Variants in PAK5 observed in about 807,000 individuals in gnomAD.
PAK5 encodes serine/threonine-protein kinase PAK 5.
PAK5 carries 16 observed loss-of-function variants against 65.9 expected under a neutral mutation model. The observed-to-expected ratio is 0.24, with a 90% CI of 0.16 to 0.37. The LOEUF (loss-of-function observed/expected upper bound fraction) is 0.37, where lower values mean the gene tolerates loss of function less well. Ranked by LOEUF, PAK5 falls within the 10% of genes least tolerant of loss-of-function variation. The pLI is 1.00. For synonymous variants in PAK5, 371 were observed against 354.9 expected (o/e 1.05, Z -0.51); for missense variants, 785 against 903.9 (o/e 0.87, Z 1.69).
chr20:9,694,716 C>G (rs370893115), intron 2 of PAK5, among the ~76,000 whole-genome samples: 1 of 151,934 alleles, frequency 6.6e-6, no homozygotes, highest in Non-Finnish European at 1.5e-5. Flanking sequence ...TAATTCATGT[C>G]GTGATAGGCC....
chr20:9,630,843 A>G (rs1162678832), intron 3 of PAK5, among the ~76,000 whole-genome samples: 2 of 151,514 alleles, frequency 1.3e-5, no homozygotes, highest in African/African-American at 4.9e-5. Context: ...TTTTCCTTCC[A>G]CTCACTTGCC....
At chr20:9,557,209 G>A (rs1279223496) in intron 7 of PAK5, among the ~76,000 whole-genome samples, 1 of 152,120 alleles carries the variant, frequency 6.6e-6, no homozygotes, top group African/African-American at 2.4e-5. Context: ...AATTACCCAA[G>A]TGGAGTTGAT....
intron 2 of PAK5, among the ~76,000 whole-genome samples, chr20:9,646,348 C>T (rs893736139): frequency 6.6e-6 from 1 of 152,172 alleles, no homozygotes; most frequent in Non-Finnish European, 1.5e-5. Context: ...CAAAACCCAT[C>T]GCATTCATTC....
intron 1 of PAK5, among the ~76,000 whole-genome samples, chr20:9,743,262 T>C (rs1275183707): frequency 6.6e-6 from 1 of 151,962 alleles, no homozygotes; most frequent in Non-Finnish European, 1.5e-5. Context: ...CCAAGCTACC[T>C]GGGAAGCTGA....
chr20:9,706,058 T>A (rs767098259), intron 2 of PAK5, among the ~76,000 whole-genome samples: 2 of 152,108 alleles, frequency 1.3e-5, no homozygotes, highest in Non-Finnish European at 2.9e-5. Context: ...AGTCTCAGAG[T>A]GGAGAAATCC....
chr20:9,586,870 T>A (rs183439445), intron 3 of PAK5, among the ~76,000 whole-genome samples: 1 of 152,306 alleles, frequency 6.6e-6, no homozygotes, highest in Non-Finnish European at 1.5e-5. Context: ...AGACTGCCAA[T>A]TGATAAGAAA....
At chr20:9,625,374 A>G (rs932012032) in intron 3 of PAK5, among the ~76,000 whole-genome samples, 1 of 152,208 alleles carries the variant, frequency 6.6e-6, no homozygotes, top group African/African-American at 2.4e-5. Context: ...GCTAACTTCA[A>G]ATATGAGCCA....
intron 9 of PAK5, among the ~76,000 whole-genome samples, chr20:9,539,960 A>C (rs2045233786): frequency 6.6e-6 from 1 of 152,226 alleles, no homozygotes; most frequent in Admixed American, 6.5e-5. Context: ...AGCATAGTAT[A>C]AACAGGGAGC....
chr20:9,821,990 T>A (rs1457900308), intron 1 of PAK5, among the ~76,000 whole-genome samples: 1 of 152,170 alleles, frequency 6.6e-6, no homozygotes, highest in Non-Finnish European at 1.5e-5. Context: ...GGTCCACCAG[T>A]ACCCTACAAG....
At chr20:9,569,068 C>T (rs1007265499) in intron 4 of PAK5, among the ~76,000 whole-genome samples, 12 of 152,178 alleles carry the variant, frequency 7.9e-5, no homozygotes, top group African/African-American at 2.7e-4. Context: ...CAGCTAAGCC[C>T]TCTCAATTTG....
chr20:9,822,377 A>C (rs1197579840), intron 1 of PAK5, among the ~76,000 whole-genome samples: 1 of 152,084 alleles, frequency 6.6e-6, no homozygotes, highest in Non-Finnish European at 1.5e-5. Flanking sequence ...GTTTCATTAC[A>C]AGGTCAGTTG....
chr20:9,781,660 G>C (rs779070726), intron 1 of PAK5, among the ~76,000 whole-genome samples: 25 of 152,170 alleles, frequency 1.6e-4, no homozygotes, highest in Non-Finnish European at 2.6e-4. Context: ...TCCATTGAGG[G>C]GATGGCAACT....
rs369208840 is a variant in PAK5 at position 9,637,764 on chromosome 20, ACTAT to A, written c.204+6357_204+6360del. 4.3e-3 allele frequency among the ~76,000 whole-genome samples: 657 copies of A among 152,310 alleles called. 2 individuals are homozygous for A. The highest frequency in any genetic ancestry group is 7.4e-3 in the Admixed American group (114 of 15,308). ...ATAAAACTCACATATGCCGAATAAAACTATCTAATATTATTTGTATAATTCTACC... is the reference window on the plus strand; with the variant it reads ...ATAAAACTCACATATGCCGAATAAAACTAATATTATTTGTATAATTCTACC... On this transcript the variant is annotated intron_variant, in intron 3 of 9. Coordinates refer to ENST00000353224, the MANE Select transcript of PAK5 (RefSeq NM_177990.4).
At chr20:9,625,977 G>A (rs549718240) in intron 3 of PAK5, among the ~76,000 whole-genome samples, 1 of 152,294 alleles carries the variant, frequency 6.6e-6, no homozygotes, top group African/African-American at 2.4e-5. Flanking sequence ...AGGACTGCAG[G>A]TGCCACCAGC....
At chr20:9,742,073 A>G (rs1256316559) in intron 1 of PAK5, among the ~76,000 whole-genome samples, 2 of 152,126 alleles carry the variant, frequency 1.3e-5, no homozygotes, top group Non-Finnish European at 2.9e-5. Context: ...GGAGAGCTGA[A>G]TAAGGTCATG....
At chr20:9,612,955 A>T (rs2046591503) in intron 3 of PAK5, among the ~76,000 whole-genome samples, 1 of 152,010 alleles carries the variant, frequency 6.6e-6, no homozygotes. Context: ...CTATTATTCA[A>T]TCCCTATTAC....
intron 3 of PAK5, among the ~76,000 whole-genome samples, chr20:9,605,488 A>G (rs1438128057): frequency 1.3e-5 from 2 of 152,210 alleles, no homozygotes; most frequent in Non-Finnish European, 2.9e-5. Flanking sequence ...ACCTCTCTGT[A>G]AATATCAGAT....
At chr20:9,820,867 T>C (rs1290209203) in intron 1 of PAK5, among the ~76,000 whole-genome samples, 12 of 152,112 alleles carry the variant, frequency 7.9e-5, no homozygotes, top group Non-Finnish European at 1.8e-4. Context: ...AACACTCAGG[T>C]TCAACAATTA....
rs749305467 is a variant in PAK5 at position 9,580,706 on chromosome 20, G to A, written c.429C>T (p.Thr143=). The A allele has an allele frequency of 3.7e-6, 6 of 1,613,866 alleles. No individual in the cohort carries two copies. Among genetic ancestry groups the A allele is most frequent in the South Asian group, 2.2e-5 (2 of 91,060 alleles). The change falls in exon 4 of 10, where the codon ACC becomes ACT. Residue 143 remains threonine, a synonymous_variant. Coordinates refer to ENST00000353224, the MANE Select transcript of PAK5 (RefSeq NM_177990.4). ...AGAGACTCTTCTCCCTGTACTTTTC[G>A]GTCGTGTAGTCAGCAGTAGTATCGG... ...SESDTTADYT[T]EKYREKSLYG...
Sources: allele counts gnomAD v4.1 joint callset (sites outside exome capture counted in the v4.1 genomes callset), GRCh38; gene constraint gnomAD v4.1.1; transcripts MANE v1.5; gene names NCBI Gene and HGNC (gene_info 2026-07-23, HGNC 2026-07-21).